Variants in YES1 observed in about 807,000 individuals in gnomAD.
The protein encoded by YES1 is YES proto-oncogene 1, Src family tyrosine kinase.
YES1 carries 39 observed loss-of-function variants against 70.4 expected under a neutral mutation model. The ratio of observed to expected loss-of-function variants is 0.55; its 90% CI spans 0.43 to 0.72. The LOEUF (loss-of-function observed/expected upper bound fraction) is 0.72. Ranked by LOEUF, YES1 falls within the 30% of genes least tolerant of loss-of-function variation. The pLI, the probability that YES1 is intolerant of heterozygous loss-of-function variation, is 0.00. For synonymous variants in YES1, 198 were observed against 218.6 expected, an observed-to-expected ratio of 0.91 and a Z score of 0.83; for missense variants, 495 against 644.8, an observed-to-expected ratio of 0.77 and a Z score of 2.52.
At chr18:765,256 A>ATATATATATATATATC (rs1904833292) in intron 1 of YES1, among the ~76,000 whole-genome samples, 2 of 51,074 alleles carry the variant, frequency 3.9e-5, no homozygotes, top group Non-Finnish European at 7.1e-5. Flanking sequence ...AACTATATAT[A>ATATATATATATATATC]TATATATATA....
intron 1 of YES1, among the ~76,000 whole-genome samples, chr18:807,711 G>C (rs1907168593): frequency 6.6e-6 from 1 of 152,144 alleles, no homozygotes; most frequent in Non-Finnish European, 1.5e-5. Flanking sequence ...GGAAAAGAAT[G>C]CAGAGTTCCT....
Position 724,062 on chromosome 18 carries a change from T to C in YES1, c.*362A>G, listed in dbSNP as rs1368887149. 5 of 174,618 alleles carry C rather than the reference T, an allele frequency of 2.9e-5. No individual in the cohort carries two copies. The highest frequency in any genetic ancestry group is 6.2e-5 in the Non-Finnish European group (5 of 81,124). 10.8% of individuals were successfully genotyped at this position (174,618 alleles called of 1,614,324 possible). ...ATAGCTTTTTATCTCTCAAGTTTTA[T>C]CTGTAACAATAAATAATTTTCTTTG... On this transcript the variant is annotated 3_prime_UTR_variant, in exon 12 of 12. Coordinates refer to ENST00000314574, the MANE Select transcript of YES1 (RefSeq NM_005433.4).
chr18:746,642 GCAAA>G (rs2078488977), intron 4 of YES1, among the ~76,000 whole-genome samples: 1 of 152,282 alleles, frequency 6.6e-6, no homozygotes, highest in African/African-American at 2.4e-5. Flanking sequence ...ATTAATAAAA[GCAAA>G]CAAACATTGA....
intron 1 of YES1, among the ~76,000 whole-genome samples, chr18:800,875 T>C (rs756967446): frequency 7.2e-5 from 11 of 152,044 alleles, no homozygotes; most frequent in Admixed American, 5.2e-4. Context: ...AGGCTGGGTG[T>C]GGTGGCTCAC....
At position 723,895 on chromosome 18, in the gene YES1, A is replaced by G. The variant is rs1179589051; in HGVS notation, c.*529T>C. 3 of 154,012 alleles carry G rather than the reference A, an allele frequency of 1.9e-5. No individual in the cohort carries two copies. The highest frequency in any genetic ancestry group is 4.4e-5 in the Non-Finnish European group (3 of 68,934). 9.5% of individuals were successfully genotyped at this position (154,012 alleles called of 1,614,324 possible). On this transcript the variant is annotated 3_prime_UTR_variant, in exon 12 of 12. Coordinates refer to ENST00000314574, the MANE Select transcript of YES1 (RefSeq NM_005433.4). ...GAAAAACCTGGCCCATGTCCATGCA[A>G]AAGAAAGCATATATTAAGATTGCAT...
At chr18:767,952 C>T (rs181762761) in intron 1 of YES1, among the ~76,000 whole-genome samples, 3 of 152,280 alleles carry the variant, frequency 2.0e-5, no homozygotes, top group Non-Finnish European at 2.9e-5. Flanking sequence ...CCAACCGCCT[C>T]GGCCTCCCAA....
At chr18:726,950 G>C (rs970608255) in intron 11 of YES1, among the ~76,000 whole-genome samples, 1 of 152,144 alleles carries the variant, frequency 6.6e-6, no homozygotes, top group Non-Finnish European at 1.5e-5. Flanking sequence ...ACAATCTGCT[G>C]TAAGAACAGT....
chr18:771,724 C>A (rs1311457767), intron 1 of YES1, among the ~76,000 whole-genome samples: 1 of 152,054 alleles, frequency 6.6e-6, no homozygotes, highest in Admixed American at 6.6e-5. Context: ...AATTTTTGTA[C>A]ATTTTTGTAG....
chr18:759,915 T>A (rs1033644158), intron 1 of YES1, among the ~76,000 whole-genome samples: 13 of 139,916 alleles, frequency 9.3e-5, no homozygotes, highest in African/African-American at 3.2e-4. Flanking sequence ...TGTGTCCAAG[T>A]GTTCTCATTG....
intron 2 of YES1, 129 bp downstream of exon 2, chr18:756,428 A>AT (rs1194305406): frequency 1.0e-5 from 13 of 1,261,472 alleles, no homozygotes; most frequent in Non-Finnish European, 1.2e-5. Flanking sequence ...TTAGAGACTG[A>AT]TTTTCACATA....
chr18:747,713 G>A (rs2080296951), intron 4 of YES1, among the ~76,000 whole-genome samples: 1 of 152,050 alleles, frequency 6.6e-6, no homozygotes, highest in Non-Finnish European at 1.5e-5. Flanking sequence ...AAGGAAATAT[G>A]ACTGATGCAG....
At chr18:811,003 C>T (rs1422030707) in intron 1 of YES1, among the ~76,000 whole-genome samples, 1 of 152,136 alleles carries the variant, frequency 6.6e-6, no homozygotes, top group Non-Finnish European at 1.5e-5. Context: ...TGCACAGTCA[C>T]GTGTATACAT....
chr18:794,236 T>C (rs1391182356), intron 1 of YES1, among the ~76,000 whole-genome samples: 1 of 152,162 alleles, frequency 6.6e-6, no homozygotes. Flanking sequence ...AAGAACATAA[T>C]AGCCTTTAAG....
At chr18:748,360 CTT>C (rs11372019) in intron 3 of YES1, among the ~76,000 whole-genome samples, 1 of 144,456 alleles carries the variant, frequency 6.9e-6, no homozygotes, top group Non-Finnish European at 1.5e-5. Flanking sequence ...GTATTCTTTT[CTT>C]TTTTTTTTTT....
chr18:787,530 C>G (rs1218587998), intron 1 of YES1, among the ~76,000 whole-genome samples: 3 of 151,938 alleles, frequency 2.0e-5, no homozygotes, highest in African/African-American at 7.2e-5. Context: ...GCCAACATGG[C>G]GAAATCCCAT....
chr18:759,370 C>T (rs547321967), intron 1 of YES1, among the ~76,000 whole-genome samples: 2 of 152,184 alleles, frequency 1.3e-5, no homozygotes, highest in South Asian at 4.1e-4. Flanking sequence ...GGGAGGCTGG[C>T]GCAGGAGAAT....
chr18:777,042 T>C (rs964997190), intron 1 of YES1, among the ~76,000 whole-genome samples: 1 of 152,218 alleles, frequency 6.6e-6, no homozygotes, highest in African/African-American at 2.4e-5. Flanking sequence ...CAATTATTAA[T>C]TTTTTTCATT....
At chr18:744,331 T>C (rs1350874401) in intron 6 of YES1, among the ~76,000 whole-genome samples, 1 of 152,004 alleles carries the variant, frequency 6.6e-6, no homozygotes, top group Non-Finnish European at 1.5e-5. Flanking sequence ...AGCCACTAAT[T>C]TGTAAGAGGC....
chr18:797,870 T>C (rs1383702503), intron 1 of YES1: 3 of 152,218 alleles, frequency 2.0e-5, no homozygotes, highest in African/African-American at 7.2e-5. Flanking sequence ...CCTTGAGATA[T>C]AATTCTTCTA....
Sources: allele counts gnomAD v4.1 joint callset (sites outside exome capture counted in the v4.1 genomes callset), GRCh38; gene constraint gnomAD v4.1.1; transcripts MANE v1.5; gene names NCBI Gene and HGNC (gene_info 2026-07-23, HGNC 2026-07-21).